The following CLCN2 variants were observed in gnomAD, a reference collection of about 807,000 sequenced individuals.
The protein encoded by CLCN2 is chloride channel protein 2.
CLCN2 carries 72 observed loss-of-function variants against 108.3 expected under a neutral mutation model. The ratio of observed to expected loss-of-function variants is 0.66; its 90% CI spans 0.55 to 0.81. CLCN2 has a LOEUF of 0.81. Ranked by LOEUF, CLCN2 falls within the 30% of genes least tolerant of loss-of-function variation. The probability of loss-of-function intolerance (pLI) is 0.00; values close to 1 mark genes in which losing one functional copy is unlikely to be tolerated. For missense variants in CLCN2, 1,048 were observed against 1,205.2 expected (o/e 0.87, Z 1.93); for synonymous variants, 471 against 467.1 (o/e 1.01, Z -0.11).
Position 184,346,609 on chromosome 3 carries a change from T to C in CLCN2, c.2694A>G (p.Gln898=), listed in dbSNP as rs539869928. The change falls in exon 24 of 24, where the codon CAA becomes CAG. Residue 898 remains glutamine, a synonymous_variant. Coordinates refer to ENST00000265593, the MANE Select transcript of CLCN2 (RefSeq NM_004366.6). The surrounding 1 kb of genome is among the most constrained non-coding windows in gnomAD (Gnocchi z 6.0). ...TCCTAGGCCACCCACGAGGGGCTCA[T>C]TGGCATTTGTCGTCGCTGTCGGAAG... ...GSPSDSDDKC[Q] is the part of the protein sequence containing the mutation. The C allele has an allele frequency of 3.7e-5, 60 of 1,613,994 alleles. No individual in the cohort carries two copies. Among genetic ancestry groups the C allele is most frequent in the African/African-American group, 2.0e-4 (15 of 75,056 alleles).
At position 184,354,668 on chromosome 3, in the gene CLCN2, G is replaced by T; in HGVS notation, c.1397-10C>A. The stretch of plus-strand genomic sequence containing the variant: ...CGCCCAAATGCTGCTCCTTCAGGGA[G>T]GGGGGTGGGAAGAGAAAGAGGCAGT... On this transcript the variant is annotated splice_polypyrimidine_tract_variant and intron_variant, in intron 13 of 23. Coordinates refer to ENST00000265593, the MANE Select transcript of CLCN2 (RefSeq NM_004366.6). 1 of 1,490,154 alleles carries T rather than the reference G, an allele frequency of 6.7e-7. No homozygotes were observed. The highest frequency in any genetic ancestry group is 1.4e-5 in the African/African-American group (1 of 70,064). The allele number at this position is 1,490,154 out of a possible 1,614,324, so 92.3% of individuals were successfully genotyped here.
chr3:184,353,603 T>A, intron 16 of CLCN2, 59 bp downstream of exon 16: 1 of 1,605,674 alleles, frequency 6.2e-7, no homozygotes, highest in African/African-American at 1.3e-5. Flanking sequence ...TCCCTGCCCC[T>A]TCCCGAAGCT....
Position 184,359,145 on chromosome 3 carries a change from G to A in CLCN2, c.64-14C>T, listed in dbSNP as rs748290919. ...CCGGCCATACATCTGGAGCAACAGA[G>A]GGGATGGGGGCATTCGAGGTCATGG... On this transcript the variant is annotated splice_polypyrimidine_tract_variant and intron_variant, in intron 1 of 23. Coordinates refer to ENST00000265593, the MANE Select transcript of CLCN2 (RefSeq NM_004366.6). The A allele has an allele frequency of 7.4e-6, 12 of 1,613,492 alleles. No individual in the cohort carries two copies. The highest frequency in any genetic ancestry group is 2.7e-5 in the African/African-American group (2 of 74,944).
intron 22 of CLCN2, among the ~76,000 whole-genome samples, chr3:184,351,535 C>A (rs558805936): frequency 2.6e-5 from 4 of 152,248 alleles, no homozygotes; most frequent in Non-Finnish European, 2.9e-5. Flanking sequence ...CCAAGCCCCC[C>A]ACTGGGTGTT....
chr3:184,352,012 C>T lies in CLCN2; in HGVS notation c.2415+1G>A. The T allele has an allele frequency of 6.2e-7, 1 of 1,612,054 alleles. No homozygotes were observed. Among genetic ancestry groups the T allele is most frequent in the East Asian group, 2.2e-5 (1 of 44,866 alleles). Reference sequence around the variant, plus strand: ...GCCCTGGGCCAGGCTGCTGGCCCTACCTTGTGCAAAGAGGTCCGCTCCACC... The same window carrying T: ...GCCCTGGGCCAGGCTGCTGGCCCTATCTTGTGCAAAGAGGTCCGCTCCACC... On this transcript the variant is annotated splice_donor_variant, in intron 22 of 23. Coordinates refer to ENST00000265593, the MANE Select transcript of CLCN2 (RefSeq NM_004366.6). LOFTEE classifies it high-confidence loss of function.
Position 184,357,479 on chromosome 3 carries a change from A to G in CLCN2, c.781T>C (p.Phe261Leu), listed in dbSNP as rs1728650535. 1.9e-6 allele frequency: 3 copies of G among 1,614,196 alleles called. No homozygotes were observed. Among genetic ancestry groups the G allele is most frequent in the African/African-American group, 2.7e-5 (2 of 75,066 alleles). ...CFAAPIGGVL[F>L]SIEVTSTFFA... ...AAGGTGGAGGTGACCTCGATGCTGA[A>G]GAGGACGCCTGTGAGGGGGAGGGAG... The change falls in exon 8 of 24, where the codon TTC becomes CTC. Residue 261 changes from phenylalanine to leucine, a missense_variant. Coordinates refer to ENST00000265593, the MANE Select transcript of CLCN2 (RefSeq NM_004366.6).
chr3:184,355,072 CG>C lies in CLCN2; in HGVS notation c.1327-100del, dbSNP rs1429234083. The C allele has an allele frequency of 3.4e-6, 4 of 1,182,590 alleles. No individual in the cohort carries two copies. Among genetic ancestry groups the C allele is most frequent in the Middle Eastern group, 2.4e-4 (1 of 4,206 alleles). The allele number at this position is 1,182,590 out of a possible 1,614,324, so 73.3% of individuals were successfully genotyped here. ...AAGTCTACCTCGCTGATCAGGTGGG[CG>C]TAACCCTCCCAGCCACCCCGTAACC... On this transcript the variant is annotated intron_variant, in intron 12 of 23. Transcript: ENST00000265593. This position sits in a 1 kb window ranked among gnomAD's most constrained non-coding sequence, Gnocchi z 6.3.
chr3:184,352,116 A>G lies in CLCN2; in HGVS notation c.2312T>C (p.Ile771Thr). 6.2e-7 allele frequency: 1 copy of G among 1,612,284 alleles called. No homozygotes were observed. Among genetic ancestry groups the G allele is most frequent in the Non-Finnish European group, 8.5e-7 (1 of 1,178,420 alleles). Residue 771 changes from isoleucine to threonine, a missense_variant and splice_region_variant, in exon 22 of 24, where the codon ATT (isoleucine) becomes ACT (threonine). Coordinates refer to ENST00000265593, the MANE Select transcript of CLCN2 (RefSeq NM_004366.6). Reference protein sequence around the residue: ...DLEGEMSPEEILEWEEQQLDE... With the variant: ...DLEGEMSPEETLEWEEQQLDE... ...TAGTTGCTGCTCCTCCCACTCCAGA[A>G]TCTGAGGGGAAGAGACTATGAGGTT...
rs1372891355 is a variant in CLCN2 at position 184,352,184 on chromosome 3, T to TCA, written c.2311-68_2311-67insTG. 35 of 1,591,762 alleles carry TCA rather than the reference T, an allele frequency of 2.2e-5. No individual in the cohort carries two copies. In the Admixed American group the frequency reaches 4.7e-4, roughly 21 times the overall value. ...TAGCTGACCTCACCTCCCTGAAAGCTGGCCTGCCCTTTTTCCAACCCCGTG... is the reference window on the plus strand; with the variant it reads ...TAGCTGACCTCACCTCCCTGAAAGCTCAGGCCTGCCCTTTTTCCAACCCCGTG... On this transcript the variant is annotated intron_variant, in intron 21 of 23. Coordinates refer to ENST00000265593, the MANE Select transcript of CLCN2 (RefSeq NM_004366.6).
In CLCN2 at chr3:184,354,676, G is replaced by A; in HGVS notation, c.1397-18C>T. ...TGCTGCTCCTTCAGGGAGGGGGGTG[G>A]GAAGAGAAAGAGGCAGTGGAGGGGG... On this transcript the variant is annotated intron_variant, in intron 13 of 23. Transcript: ENST00000265593. 9.9e-7 allele frequency: 1 copy of A among 1,014,378 alleles called. No homozygotes were observed. 62.8% of individuals were successfully genotyped at this position (1,014,378 alleles called of 1,614,324 possible). A position where few individuals can be genotyped will look rare whatever the true frequency, so the allele number is the denominator to read the frequency against.
chr3:184,351,333 C>A (rs1481693068), intron 22 of CLCN2, among the ~76,000 whole-genome samples: 1 of 152,128 alleles, frequency 6.6e-6, no homozygotes, highest in Non-Finnish European at 1.5e-5. Context: ...ATGCAGGCTG[C>A]CCCCCTTAGG....
chr3:184,348,603 T>C (rs374955896), intron 22 of CLCN2: 1 of 152,190 alleles, frequency 6.6e-6, no homozygotes, highest in African/African-American at 2.4e-5. Context: ...ACAAGTTAGC[T>C]TTAATTTCCT....
rs1183019497 is a variant in CLCN2, at chr3:184,355,317, A to G, written c.1326+57T>C. On this transcript the variant is annotated intron_variant, in intron 12 of 23. Transcript: ENST00000265593. The surrounding 1 kb of genome is among the most constrained non-coding windows in gnomAD (Gnocchi z 6.3). ...CTTCGAGGAGTGAGCACTGCGTGGC[A>G]GGTGCTTAGAAGGGCAAGCTATGTA... The G allele has an allele frequency of 1.3e-6, 2 of 1,565,428 alleles. No homozygotes were observed. Among genetic ancestry groups the G allele is most frequent in the African/African-American group, 1.4e-5 (1 of 73,934 alleles).
Position 184,353,397 on chromosome 3 carries a change from G to C in CLCN2, c.1881C>G (p.Ile627Met). The change falls in exon 17 of 24, where the codon ATC becomes ATG. Residue 627 changes from isoleucine to methionine, a missense_variant. Coordinates refer to ENST00000265593, the MANE Select transcript of CLCN2 (RefSeq NM_004366.6). ...SPESMILLGS[I>M]ERSQVVALLG... ...ACAATGCCACCACCTGTGAACGCTC[G>C]ATGGAGCCCAGCAGAATCATGGACT... 3 of 1,611,814 alleles carry C rather than the reference G, an allele frequency of 1.9e-6. No homozygotes were observed. Among genetic ancestry groups the C allele is most frequent in the Non-Finnish European group, 2.5e-6 (3 of 1,179,292 alleles).
intron 22 of CLCN2, among the ~76,000 whole-genome samples, chr3:184,349,918 C>T (rs1449182804): frequency 6.6e-6 from 1 of 152,184 alleles, no homozygotes; most frequent in African/African-American, 2.4e-5. Context: ...TTAGCCGGCA[C>T]AGCGATCTCC....
At position 184,355,651 on chromosome 3, in the gene CLCN2, C is replaced by T; in HGVS notation, c.1170+43G>A. ...GGGGCTGTTGGCTTTGGAGGAATGC[C>T]TTCCAAGGGAAAGCACAAAACTCCT... On this transcript the variant is annotated intron_variant, in intron 11 of 23. Transcript: ENST00000265593. The surrounding 1 kb of genome is among the most constrained non-coding windows in gnomAD (Gnocchi z 6.3). 1 of 1,605,642 alleles carries T rather than the reference C, an allele frequency of 6.2e-7. No individual in the cohort carries two copies. The highest frequency in any genetic ancestry group is 8.5e-7 in the Non-Finnish European group (1 of 1,172,324).
chr3:184,358,133 A>G, intron 4 of CLCN2, 38 bp from the exon 5 acceptor site: 1 of 1,613,844 alleles, frequency 6.2e-7, no homozygotes, highest in South Asian at 1.1e-5. Flanking sequence ...CATTCGATGC[A>G]CCCATTTCAG....
In CLCN2 at chr3:184,355,796, A is replaced by C. The variant is rs1728506563; in HGVS notation, c.1086-18T>G. On this transcript the variant is annotated intron_variant, in intron 10 of 23. Coordinates refer to ENST00000265593, the MANE Select transcript of CLCN2 (RefSeq NM_004366.6). This position sits in a 1 kb window ranked among gnomAD's most constrained non-coding sequence, Gnocchi z 6.3. ...GCAGGCGTCTAGAGTCGTAGGTTTC[A>C]CATCAGTCGTGGGTGGCCAAGGGCT... 4 of 1,612,514 alleles carry C rather than the reference A, an allele frequency of 2.5e-6. No homozygotes were observed. Among genetic ancestry groups the C allele is most frequent in the Non-Finnish European group, 3.4e-6 (4 of 1,178,922 alleles).
At chr3:184,359,863 G>A (rs577114115) in intron 1 of CLCN2, among the ~76,000 whole-genome samples, 5 of 152,218 alleles carry the variant, frequency 3.3e-5, no homozygotes, top group South Asian at 4.1e-4. Flanking sequence ...GATGGGACGG[G>A]AGAGTCGCCT....
Sources: gnomAD v4.1 joint callset for allele counts (sites outside exome capture counted in the v4.1 genomes callset) on GRCh38, gnomAD v4.1.1 for gene constraint, Gnocchi (gnomAD v3.1) non-coding constraint, MANE v1.5 for transcripts, NCBI Gene and HGNC (gene_info 2026-07-23, HGNC 2026-07-21) for gene names.